The following HAUS4 variants were observed in gnomAD, a reference collection of about 807,000 sequenced individuals.
HAUS4 encodes the protein HAUS augmin like complex subunit 4.
HAUS4 carries 34 observed loss-of-function variants against 50.6 expected under a neutral mutation model. That is an observed-to-expected ratio of 0.67 (90% CI 0.51 to 0.90). The LOEUF is 0.90. HAUS4 is among the 40% of genes least tolerant of loss of function. The pLI, the probability that HAUS4 is intolerant of heterozygous loss-of-function variation, is 0.00. For missense variants in HAUS4, 370 were observed against 428.7 expected, an observed-to-expected ratio of 0.86 and a Z score of 1.21; for synonymous variants, 149 against 161.4, an observed-to-expected ratio of 0.92 and a Z score of 0.58.
rs549508389 is a variant in HAUS4, at chr14:22,949,421, C to T, written c.562+893G>A. Among the ~76,000 whole-genome samples the T allele has an allele frequency of 8.5e-3, 1,211 of 142,876 alleles. 17 individuals are homozygous for T. Among genetic ancestry groups the T allele is most frequent in the African/African-American group, 0.03 (1,139 of 38,320 alleles). The allele number at this position is 142,876 out of a possible 152,430, so 93.7% of individuals were successfully genotyped here. Reference sequence around the variant, plus strand: ...GCGGGCACCTGTAGTCCCAGCTACTCGGGAGGCTGAGGCAGGAGAATGGCG... The same window carrying T: ...GCGGGCACCTGTAGTCCCAGCTACTTGGGAGGCTGAGGCAGGAGAATGGCG... On this transcript the variant is annotated intron_variant, in intron 6 of 9. Coordinates refer to ENST00000541587, the MANE Select transcript of HAUS4 (RefSeq NM_001166269.2).
intron 2 of HAUS4, chr14:22,954,329 A>C (rs780075416): frequency 6.6e-6 from 1 of 152,146 alleles, no homozygotes; most frequent in Non-Finnish European, 1.5e-5. Context: ...TTTTTCCCTA[A>C]GGTACTGAAG....
intron 7 of HAUS4, 44 bp from the exon 8 acceptor site, chr14:22,947,775 T>C (rs1388181134): frequency 1.2e-6 from 2 of 1,612,416 alleles, no homozygotes; most frequent in Non-Finnish European, 1.7e-6. Flanking sequence ...ATAAAGATAG[T>C]AGAAAGGAGG....
At chr14:22,953,570 C>T (rs1316809100) in intron 2 of HAUS4, among the ~76,000 whole-genome samples, 4 of 151,944 alleles carry the variant, frequency 2.6e-5, no homozygotes, top group Non-Finnish European at 5.9e-5. Flanking sequence ...CTCAGCCTCC[C>T]GAGTAGCTGG....
intron 6 of HAUS4, among the ~76,000 whole-genome samples, chr14:22,949,758 TGA>T (rs2044717663): frequency 1.3e-5 from 2 of 152,244 alleles, no homozygotes; most frequent in Admixed American, 1.3e-4. Context: ...CTGAACCTCC[TGA>T]GAGAACTCAT....
rs200215092 is a variant in HAUS4, at chr14:22,951,169, G to GT, written c.465+385dup. Reference sequence around the variant, plus strand: ...GTGTGCACCACCAAACCTGGCTTTTGTTTTGTTTTTTTTTTGGTAGAGACG... The same window carrying GT: ...GTGTGCACCACCAAACCTGGCTTTTGTTTTTGTTTTTTTTTTGGTAGAGACG... On this transcript the variant is annotated intron_variant, in intron 5 of 9. Transcript: ENST00000541587. Among the ~76,000 whole-genome samples, 723 of 144,600 alleles carry GT rather than the reference G, an allele frequency of 5.0e-3. 6 individuals are homozygous for GT. Among genetic ancestry groups the GT allele is most frequent in the Non-Finnish European group, 7.7e-3 (500 of 64,824 alleles). The allele number at this position is 144,600 out of a possible 152,430, so 94.9% of individuals were successfully genotyped here.
At chr14:22,949,623 A>T (rs2044714951) in intron 6 of HAUS4, among the ~76,000 whole-genome samples, 1 of 152,152 alleles carries the variant, frequency 6.6e-6, no homozygotes, top group Non-Finnish European at 1.5e-5. Flanking sequence ...AAAAGCTGAA[A>T]TATGAATACT....
intron 1 of HAUS4, among the ~76,000 whole-genome samples, chr14:22,955,727 T>C (rs1594551846): frequency 6.6e-6 from 1 of 151,964 alleles, no homozygotes; most frequent in African/African-American, 2.4e-5. Flanking sequence ...ATTCCACACT[T>C]GAACAACTGG....
At chr14:22,950,021 G>A (rs1022387650) in intron 6 of HAUS4, among the ~76,000 whole-genome samples, 1 of 151,806 alleles carries the variant, frequency 6.6e-6, no homozygotes, top group Admixed American at 6.6e-5. Context: ...CCAGCTACTC[G>A]GGAGGCTGAG....
intron 6 of HAUS4, among the ~76,000 whole-genome samples, chr14:22,948,695 C>G (rs1461338166): frequency 6.6e-6 from 1 of 151,894 alleles, no homozygotes; most frequent in South Asian, 2.1e-4. Flanking sequence ...GCCACTACAC[C>G]CAGCTAATTT....
chr14:22,955,890 G>A (rs1379488522), intron 1 of HAUS4, among the ~76,000 whole-genome samples: 4 of 152,040 alleles, frequency 2.6e-5, no homozygotes, highest in African/African-American at 7.3e-5. Flanking sequence ...CATGGAGTGC[G>A]CTGAAAGGAA....
chr14:22,951,516 A>G (rs944133623), intron 5 of HAUS4, 39 bp downstream of exon 5: 1 of 1,607,064 alleles, frequency 6.2e-7, no homozygotes, highest in African/African-American at 1.3e-5. Context: ...GAGAAATTAA[A>G]CCATTTCATT....
At chr14:22,955,544 G>A (rs1349352469) in intron 1 of HAUS4, 1 of 176,862 alleles carries the variant, frequency 5.7e-6, no homozygotes, top group Admixed American at 6.2e-5. Context: ...TCCCAGTTAT[G>A]AGTGAACTGG....
intron 2 of HAUS4, among the ~76,000 whole-genome samples, chr14:22,953,746 A>G (rs955351969): frequency 4.7e-5 from 7 of 149,192 alleles, no homozygotes; most frequent in African/African-American, 1.7e-4. Context: ...TTAGCCTCCC[A>G]AGTAGCTGGG....
chr14:22,947,782 G>A (rs1336267666), intron 7 of HAUS4, 51 bp from the exon 8 acceptor site: 1 of 1,612,166 alleles, frequency 6.2e-7, no homozygotes, highest in East Asian at 2.2e-5. Context: ...TAGTAGAAAG[G>A]AGGGTAGATC....
At chr14:22,947,784 G>A in intron 7 of HAUS4, 53 bp from the exon 8 acceptor site, 2 of 1,611,474 alleles carry the variant, frequency 1.2e-6, no homozygotes, top group Admixed American at 1.7e-5. Flanking sequence ...GTAGAAAGGA[G>A]GGTAGATCAG....
chr14:22,956,557 A>C (rs2044868893), intron 1 of HAUS4, among the ~76,000 whole-genome samples: 1 of 152,144 alleles, frequency 6.6e-6, no homozygotes, highest in Admixed American at 6.5e-5. Flanking sequence ...TAAAGGTTAC[A>C]GGGCGTGAAC....
intron 6 of HAUS4, among the ~76,000 whole-genome samples, 162 bp downstream of exon 6, chr14:22,950,148 AAAAC>A (rs1369801010): frequency 1.1e-4 from 16 of 151,928 alleles, no homozygotes; most frequent in African/African-American, 3.9e-4. Context: ...AAAAAACAAA[AAAAC>A]AAAAAGTCCT....
intron 7 of HAUS4, 53 bp from the exon 8 acceptor site, chr14:22,947,784 G>C (rs997618833): frequency 1.2e-6 from 2 of 1,611,356 alleles, no homozygotes; most frequent in African/African-American, 2.7e-5. Context: ...GTAGAAAGGA[G>C]GGTAGATCAG....
chr14:22,947,812 A>G, intron 7 of HAUS4, 56 bp downstream of exon 7: 1 of 1,610,916 alleles, frequency 6.2e-7, no homozygotes, highest in South Asian at 1.1e-5. Flanking sequence ...TGTCTTCCCC[A>G]AAAGTGCTCC....
Sources: gnomAD v4.1 joint callset for allele counts (sites outside exome capture counted in the v4.1 genomes callset) on GRCh38, gnomAD v4.1.1 for gene constraint, MANE v1.5 for transcripts, NCBI Gene and HGNC (gene_info 2026-07-23, HGNC 2026-07-21) for gene names.